HERC1: variants seen among roughly 807,000 people sequenced by gnomAD.
HERC1 encodes the protein HECT and RLD domain containing E3 ubiquitin protein ligase family member 1.
A neutral mutation model predicts 554.3 loss-of-function variants in HERC1; 160 were observed. The observed-to-expected ratio is 0.29, with a 90% confidence interval of 0.25 to 0.33. HERC1 has a LOEUF of 0.33. Ranked by LOEUF, HERC1 falls within the 10% of genes least tolerant of loss-of-function variation. The probability of loss-of-function intolerance (pLI) is 1.00; values close to 1 mark genes in which losing one functional copy is unlikely to be tolerated. For synonymous variants in HERC1, 2,175 were observed against 2,131.7 expected, an observed-to-expected ratio of 1.02 and a Z score of -0.56; for missense variants, 4,919 against 5,918.5, an observed-to-expected ratio of 0.83 and a Z score of 5.54.
At chr15:63,829,276 G>T (rs1265432060) in intron 1 of HERC1, among the ~76,000 whole-genome samples, 1 of 151,458 alleles carries the variant, frequency 6.6e-6, no homozygotes, top group African/African-American at 2.4e-5. Flanking sequence ...AAAAAAATCA[G>T]CGGGGCATGG....
chr15:63,829,167 C>T (rs2078040323), intron 1 of HERC1, among the ~76,000 whole-genome samples: 1 of 151,782 alleles, frequency 6.6e-6, no homozygotes, highest in Non-Finnish European at 1.5e-5. Flanking sequence ...GCATGGAATC[C>T]CAACACTCTG....
chr15:63,712,007 T>G (rs1304863072), intron 24 of HERC1, among the ~76,000 whole-genome samples: 2 of 152,256 alleles, frequency 1.3e-5, no homozygotes, highest in Non-Finnish European at 2.9e-5. Flanking sequence ...CCAGTGACAC[T>G]GTAGCATACC....
chr15:63,609,327 G>T, intron 77 of HERC1, 61 bp from the exon 78 acceptor site: 1 of 1,437,282 alleles, frequency 7.0e-7, no homozygotes, highest in South Asian at 1.4e-5. Flanking sequence ...GGGGAGTGGG[G>T]CTGCCCATGA....
intron 70 of HERC1, 39 bp from the exon 71 acceptor site, chr15:63,626,193 C>T: frequency 6.3e-7 from 1 of 1,593,588 alleles, no homozygotes; most frequent in South Asian, 1.1e-5. Context: ...AAGGAAACAG[C>T]ATTGCTTTCA....
At chr15:63,815,456 C>A (rs2077461771) in intron 1 of HERC1, among the ~76,000 whole-genome samples, 1 of 152,164 alleles carries the variant, frequency 6.6e-6, no homozygotes, top group Non-Finnish European at 1.5e-5. Context: ...ATGCCTACTG[C>A]AGAAGGTTGT....
At chr15:63,649,539 T>C (rs2069560575) in intron 54 of HERC1, among the ~76,000 whole-genome samples, 186 bp downstream of exon 54, 1 of 152,146 alleles carries the variant, frequency 6.6e-6, no homozygotes, top group Non-Finnish European at 1.5e-5. Flanking sequence ...CAGAGATGTG[T>C]GGTGGGGGCT....
intron 1 of HERC1, among the ~76,000 whole-genome samples, chr15:63,821,237 C>G (rs2077680069): frequency 6.6e-6 from 1 of 151,940 alleles, no homozygotes; most frequent in Non-Finnish European, 1.5e-5. Flanking sequence ...GCCTAGGCAA[C>G]AGAGTGAGAC....
rs946062596 is a variant in HERC1, at chr15:63,701,784, T to G, written c.4637-2788A>C. ...CAAAAAGACTTAAAACACAAAAATT[T>G]ATAATATGGAAATGGGAGAGGAAAG... On this transcript the variant is annotated intron_variant, in intron 25 of 77. Transcript: ENST00000443617. 2.0e-5 allele frequency among the ~76,000 whole-genome samples: 3 copies of G among 152,196 alleles called. No individual in the cohort carries two copies. In the South Asian group the frequency reaches 6.2e-4, roughly 31 times the overall value.
In HERC1 at chr15:63,670,815, G is replaced by A. The variant is rs76543697; in HGVS notation, c.8046-1117C>T. Among the ~76,000 whole-genome samples, 61 of 152,244 alleles carry A rather than the reference G, an allele frequency of 4.0e-4. No homozygotes were observed. The East Asian group carries it at 4.4e-3, about 11-fold the overall frequency. On this transcript the variant is annotated intron_variant, in intron 39 of 77. Coordinates refer to ENST00000443617, the MANE Select transcript of HERC1 (RefSeq NM_003922.4). ...CACACCTGTAATACCAGCATACTTT[G>A]GGAGGCTGAGGCCACAGGATCACTT... is the stretch of plus-strand genomic sequence containing the variant.
intron 1 of HERC1, 84 bp downstream of exon 1, chr15:63,833,743 A>ACGCGCGCGCG (rs145148725): frequency 6.0e-5 from 4 of 66,266 alleles, no homozygotes; most frequent in African/African-American, 1.8e-4. Context: ...CAAAGCACAC[A>ACGCGCGCGCG]CGCGCGCGCG....
rs1337241370 is a variant in HERC1, at chr15:63,727,422, G to GT, written c.3346+224dup. 6.6e-6 allele frequency among the ~76,000 whole-genome samples: 1 copy of GT among 152,128 alleles called. No individual in the cohort carries two copies. Among genetic ancestry groups the GT allele is most frequent in the Non-Finnish European group, 1.5e-5 (1 of 68,038 alleles). On this transcript the variant is annotated intron_variant, in intron 17 of 77. Coordinates refer to ENST00000443617, the MANE Select transcript of HERC1 (RefSeq NM_003922.4). This position sits in a 1 kb window ranked among gnomAD's most constrained non-coding sequence, Gnocchi z 4.3. Reference sequence around the variant, plus strand: ...TGTTAAAATAAGATAGGCCCTCAAGGTCATCTTTCCAACTCCAATGCTTTT... The same window carrying GT: ...TGTTAAAATAAGATAGGCCCTCAAGGTTCATCTTTCCAACTCCAATGCTTTT...
At chr15:63,779,076 T>A (rs561227500) in intron 1 of HERC1, among the ~76,000 whole-genome samples, 2 of 151,154 alleles carry the variant, frequency 1.3e-5, no homozygotes, top group South Asian at 4.2e-4. Flanking sequence ...GTAGACTCAA[T>A]GACATAAAGA....
At chr15:63,822,473 C>G (rs1359167358) in intron 1 of HERC1, among the ~76,000 whole-genome samples, 2 of 151,792 alleles carry the variant, frequency 1.3e-5, no homozygotes, top group Non-Finnish European at 2.9e-5. Flanking sequence ...GTAATCCCAG[C>G]AACTCGGGAG....
In HERC1 at chr15:63,672,267, C is replaced by T. The variant is rs10152404; in HGVS notation, c.8045+229G>A. On this transcript the variant is annotated intron_variant, in intron 39 of 77. Coordinates refer to ENST00000443617, the MANE Select transcript of HERC1 (RefSeq NM_003922.4). ...GACTACTTGCTGGTCAGCACGACAGCTGATTAGACCTGGGATCACCACTAA... is the reference window on the plus strand; with the variant it reads ...GACTACTTGCTGGTCAGCACGACAGTTGATTAGACCTGGGATCACCACTAA... 0.81 allele frequency among the ~76,000 whole-genome samples: 123,861 copies of T among 152,170 alleles called. 52,276 individuals are homozygous for T. The highest frequency in any genetic ancestry group is 0.88 in the Non-Finnish European group (59,560 of 68,016).
chr15:63,746,433 G>GT (rs1424732225), intron 12 of HERC1, among the ~76,000 whole-genome samples: 1 of 151,962 alleles, frequency 6.6e-6, no homozygotes, highest in Non-Finnish European at 1.5e-5. Context: ...TACTAAATAT[G>GT]TTTTTTTAAA....
chr15:63,690,586 C>G lies in HERC1; in HGVS notation c.5892G>C (p.Val1964=). 1 of 1,613,458 alleles carries G rather than the reference C, an allele frequency of 6.2e-7. No homozygotes were observed. Among genetic ancestry groups the G allele is most frequent in the Non-Finnish European group, 8.5e-7 (1 of 1,179,568 alleles). The change falls in exon 32 of 78, where the codon GTG becomes GTC. Residue 1964 remains valine (V), a synonymous_variant. Coordinates refer to ENST00000443617, the MANE Select transcript of HERC1 (RefSeq NM_003922.4). ...RLLALHVLEA[V]LPACESGVED... ...CTACACCAGATTCACAAGCTGGCAG[C>G]ACAGCTTCAAGGACATGAAGTGCAA...
intron 1 of HERC1, among the ~76,000 whole-genome samples, chr15:63,820,676 G>T (rs2077658637): frequency 6.6e-6 from 1 of 151,896 alleles, no homozygotes; most frequent in Admixed American, 6.6e-5. Context: ...AAGCAACAGA[G>T]ACGTTATCCT....
At position 63,725,502 on chromosome 15, in the gene HERC1, G is replaced by C; in HGVS notation, c.3358C>G (p.Leu1120Val). ...LQWPLHGGPELIDPAGLPLPQ... is the reference protein window; with the variant it reads ...LQWPLHGGPEVIDPAGLPLPQ... ...AATGGCAGACCAGCAGGATCAATTA[G>C]TTCTGGCCCTCCTAAAGACAAAATC... Residue 1120 changes from leucine to valine, a missense_variant, in exon 18 of 78, where the codon CTA becomes GTA. By Grantham distance (32) the Leu-to-Val change is conservative. Coordinates refer to ENST00000443617, the MANE Select transcript of HERC1 (RefSeq NM_003922.4). 1.9e-6 allele frequency: 3 copies of C among 1,613,596 alleles called. No individual in the cohort carries two copies. Among genetic ancestry groups the C allele is most frequent in the Non-Finnish European group, 1.7e-6 (2 of 1,179,656 alleles).
intron 76 of HERC1, among the ~76,000 whole-genome samples, chr15:63,613,907 T>C (rs930289190): frequency 6.6e-6 from 1 of 152,070 alleles, no homozygotes; most frequent in Non-Finnish European, 1.5e-5. Flanking sequence ...CTTCTGATAG[T>C]AAAGGTCAAT....
Sources: allele counts gnomAD v4.1 joint callset (sites outside exome capture counted in the v4.1 genomes callset), GRCh38; gene constraint gnomAD v4.1.1; non-coding constraint Gnocchi (gnomAD v3.1); transcripts MANE v1.5; gene names NCBI Gene and HGNC (gene_info 2026-07-23, HGNC 2026-07-21).